TAFA4: variants seen among roughly 807,000 people sequenced by gnomAD.
TAFA4 encodes chemokine-like protein TAFA-4.
Under a neutral mutation model 21.1 loss-of-function variants are expected in TAFA4, and 20 were observed. The ratio of observed to expected loss-of-function variants is 0.95; its 90% CI spans 0.67 to 1.38. TAFA4 has a LOEUF of 1.38. Among genes scored for constraint, TAFA4 ranks in the 40% most tolerant of loss-of-function variants. The probability of loss-of-function intolerance (pLI) is 0.00; values close to 1 mark genes in which losing one functional copy is unlikely to be tolerated. For missense variants in TAFA4, 211 were observed against 180.9 expected (o/e 1.17, Z -0.95); for synonymous variants, 71 against 67.4 (o/e 1.05, Z -0.26).
intron 4 of TAFA4, among the ~76,000 whole-genome samples, chr3:68,749,544 G>A (rs1464987653): frequency 6.6e-6 from 1 of 152,164 alleles, no homozygotes; most frequent in African/African-American, 2.4e-5. Flanking sequence ...AAGCCCTAAT[G>A]GAAACATATT....
At chr3:68,842,706 G>A (rs929605839) in intron 3 of TAFA4, among the ~76,000 whole-genome samples, 1 of 152,092 alleles carries the variant, frequency 6.6e-6, no homozygotes, top group Admixed American at 6.6e-5. Flanking sequence ...AATCCATCTT[G>A]AGTTAATTTT....
At chr3:68,921,733 C>T (rs1009125537) in intron 1 of TAFA4, among the ~76,000 whole-genome samples, 15 of 152,270 alleles carry the variant, frequency 9.9e-5, no homozygotes, top group East Asian at 9.7e-4. Context: ...TGTCACCTGC[C>T]GATAGGATTA....
At chr3:68,765,991 TA>T (rs1367935204) in intron 3 of TAFA4, among the ~76,000 whole-genome samples, 3 of 151,948 alleles carry the variant, frequency 2.0e-5, no homozygotes, top group Non-Finnish European at 2.9e-5. Flanking sequence ...CATGCTTCCA[TA>T]AAAAAGGTAC....
chr3:68,904,350 G>A (rs1357569981), intron 1 of TAFA4, among the ~76,000 whole-genome samples: 1 of 152,202 alleles, frequency 6.6e-6, no homozygotes, highest in Non-Finnish European at 1.5e-5. Flanking sequence ...AGGCTAGCGA[G>A]TTGCTCAGTA....
At chr3:68,848,644 G>C (rs1015272379) in intron 3 of TAFA4, among the ~76,000 whole-genome samples, 1 of 152,138 alleles carries the variant, frequency 6.6e-6, no homozygotes, top group African/African-American at 2.4e-5. Flanking sequence ...TTTCTTCCCA[G>C]TAGTCCCCAT....
At chr3:68,797,430 G>A (rs554337962) in intron 3 of TAFA4, among the ~76,000 whole-genome samples, 3 of 152,054 alleles carry the variant, frequency 2.0e-5, no homozygotes, top group South Asian at 2.1e-4. Flanking sequence ...TGGCTAACAC[G>A]TTGAAACCCT....
At chr3:68,857,365 A>G (rs912620597) in intron 3 of TAFA4, among the ~76,000 whole-genome samples, 10 of 152,164 alleles carry the variant, frequency 6.6e-5, no homozygotes, top group African/African-American at 2.4e-4. Flanking sequence ...CTGCAAACAT[A>G]GAAAAACAAT....
In TAFA4 at chr3:68,860,643, T is replaced by G. The variant is rs545477363; in HGVS notation, c.130+20087A>C. 2.3e-4 allele frequency among the ~76,000 whole-genome samples: 35 copies of G among 152,300 alleles called. No individual in the cohort carries two copies. The South Asian group carries it at 7.0e-3, about 31-fold the overall frequency. ...ATTTGAATGGAAAACCTCTTATATG[T>G]ATTGCTACTGGGTTGCAGTTATGTT... On this transcript the variant is annotated intron_variant, in intron 3 of 5. Coordinates refer to ENST00000295569, the MANE Select transcript of TAFA4 (RefSeq NM_182522.5).
intron 3 of TAFA4, among the ~76,000 whole-genome samples, chr3:68,858,577 C>CATGTGTGT (rs140824472): frequency 2.1e-5 from 3 of 146,058 alleles, no homozygotes; most frequent in African/African-American, 7.6e-5. Flanking sequence ...TTCCAAGTGA[C>CATGTGTGT]GTGTGTGTGT....
Position 68,733,130 on chromosome 3 carries a change from CCT to C in TAFA4, c.*10_*11del. On this transcript the variant is annotated 3_prime_UTR_variant, in exon 6 of 6. Coordinates refer to ENST00000295569, the MANE Select transcript of TAFA4 (RefSeq NM_182522.5). ...GCTGCCCCTCCAGGATTGAAGCACA[CCT>C]CTCTCTTCGCTACCGCGTTACCTAA... 6.2e-7 allele frequency: 1 copy of C among 1,613,126 alleles called. No homozygotes were observed. The highest frequency in any genetic ancestry group is 1.1e-5 in the South Asian group (1 of 90,980).
At chr3:68,885,448 A>T (rs2089662188) in intron 1 of TAFA4, 138 bp from the exon 2 acceptor site, 1 of 508,162 alleles carries the variant, frequency 2.0e-6, no homozygotes, top group Non-Finnish European at 3.5e-6. Context: ...AGCCAAACAT[A>T]TCCATAGTTG....
intron 2 of TAFA4, among the ~76,000 whole-genome samples, chr3:68,883,877 G>A (rs1159802359): frequency 8.6e-5 from 13 of 151,988 alleles, no homozygotes; most frequent in South Asian, 6.2e-4. Flanking sequence ...AGGCAGGAGC[G>A]AGCTATGATT....
At chr3:68,802,827 C>T (rs957805197) in intron 3 of TAFA4, among the ~76,000 whole-genome samples, 5 of 152,064 alleles carry the variant, frequency 3.3e-5, no homozygotes, top group African/African-American at 9.7e-5. Flanking sequence ...ATATAGCAAC[C>T]CTGTTTTTTA....
intron 1 of TAFA4, among the ~76,000 whole-genome samples, chr3:68,892,866 A>G (rs2089744066): frequency 6.6e-6 from 1 of 152,244 alleles, no homozygotes; most frequent in African/African-American, 2.4e-5. Flanking sequence ...ATAATGAATA[A>G]CTGAGATCCA....
chr3:68,857,052 A>T (rs1705085252), intron 3 of TAFA4, among the ~76,000 whole-genome samples: 1 of 152,184 alleles, frequency 6.6e-6, no homozygotes, highest in Non-Finnish European at 1.5e-5. Context: ...ATACTAAAAT[A>T]ATAATTACTA....
intron 3 of TAFA4, among the ~76,000 whole-genome samples, chr3:68,756,222 C>T (rs1479664394): frequency 1.3e-5 from 2 of 152,158 alleles, no homozygotes; most frequent in South Asian, 2.1e-4. Context: ...TCTGGCTATA[C>T]CCAGCTGGGG....
In TAFA4 at chr3:68,797,503, C is replaced by T. The variant is rs1438371636; in HGVS notation, c.131-44485G>A. 2.7e-5 allele frequency among the ~76,000 whole-genome samples: 4 copies of T among 150,334 alleles called. No homozygotes were observed. The East Asian group carries it at 7.9e-4, about 30-fold the overall frequency. ...TGGCACACACCTGTAGGACCAGCTA[C>T]TTGGGAGGCTGAGGCAGGAGAATCA... On this transcript the variant is annotated intron_variant, in intron 3 of 5. Transcript: ENST00000295569.
chr3:68,775,557 G>C (rs1442494565), intron 3 of TAFA4, among the ~76,000 whole-genome samples: 2 of 152,100 alleles, frequency 1.3e-5, no homozygotes, highest in African/African-American at 4.8e-5. Context: ...GCCTACCTTT[G>C]GGGAGGGGAC....
At chr3:68,774,152 A>C (rs1289419538) in intron 3 of TAFA4, among the ~76,000 whole-genome samples, 1 of 152,196 alleles carries the variant, frequency 6.6e-6, no homozygotes, top group Admixed American at 6.5e-5. Context: ...ATACTTGGAA[A>C]GGTAGCCTCT....
Sources: gnomAD v4.1 joint callset for allele counts (sites outside exome capture counted in the v4.1 genomes callset) on GRCh38, gnomAD v4.1.1 for gene constraint, MANE v1.5 for transcripts, NCBI Gene and HGNC (gene_info 2026-07-23, HGNC 2026-07-21) for gene names.